NXPE2: variants seen among roughly 807,000 people sequenced by gnomAD.
The protein encoded by NXPE2 is NXPE family member 2.
Under a neutral mutation model 34.4 loss-of-function variants are expected in NXPE2, and 34 were observed. The observed-to-expected ratio is 0.99, with a 90% CI of 0.75 to 1.31. NXPE2 has a LOEUF of 1.31. Among genes scored for constraint, NXPE2 ranks in the 40% most tolerant of loss-of-function variants. NXPE2 has a pLI of 0.00. For synonymous variants in NXPE2, 235 were observed against 231.3 expected (o/e 1.02, Z -0.15); for missense variants, 649 against 672.5 (o/e 0.97, Z 0.39).
At chr11:114,607,469 T>C in the NXPE2 span, among the ~76,000 whole-genome samples, 3 of 151,860 alleles carry the variant, frequency 2.0e-5, no homozygotes, top group African/African-American at 4.8e-5. Context: ...TGATAAATAT[T>C]GCCTCATGGG....
the NXPE2 span, among the ~76,000 whole-genome samples, chr11:114,604,732 T>G: frequency 6.7e-6 from 1 of 148,218 alleles, no homozygotes; most frequent in Non-Finnish European, 1.5e-5. Flanking sequence ...CCACTGTTAC[T>G]CGGTGGATAA....
the NXPE2 span, among the ~76,000 whole-genome samples, chr11:114,731,504 G>A: frequency 6.6e-6 from 1 of 152,296 alleles, no homozygotes; most frequent in African/African-American, 2.4e-5. Context: ...GGGTTAAACA[G>A]TTCATGGTAC....
the NXPE2 span, among the ~76,000 whole-genome samples, chr11:114,537,090 A>G: frequency 6.6e-6 from 1 of 152,218 alleles, no homozygotes; most frequent in Admixed American, 6.5e-5. Context: ...CCGTGATCAA[A>G]TGGTCTTCAA....
At chr11:114,746,299 A>G in the NXPE2 span, among the ~76,000 whole-genome samples, 1 of 152,096 alleles carries the variant, frequency 6.6e-6, no homozygotes, top group Non-Finnish European at 1.5e-5. Flanking sequence ...TACTATCTTT[A>G]TTTCTGTCAG....
chr11:114,466,398 A>C, the NXPE2 span, among the ~76,000 whole-genome samples: 1 of 152,224 alleles, frequency 6.6e-6, no homozygotes, highest in African/African-American at 2.4e-5. Flanking sequence ...TGTATTGTTT[A>C]GTATTAATTT....
At chr11:114,628,468 C>T in the NXPE2 span, among the ~76,000 whole-genome samples, 18 of 152,004 alleles carry the variant, frequency 1.2e-4, no homozygotes, top group Non-Finnish European at 1.5e-4. Flanking sequence ...TTCTTTGAAA[C>T]CAATGAGAAC....
At chr11:114,480,373 T>G in the NXPE2 span, among the ~76,000 whole-genome samples, 1 of 152,238 alleles carries the variant, frequency 6.6e-6, no homozygotes, top group Non-Finnish European at 1.5e-5. Flanking sequence ...ACAGATTTCT[T>G]TCTAGGATAG....
the NXPE2 span, among the ~76,000 whole-genome samples, chr11:114,653,862 C>G: frequency 6.6e-6 from 1 of 152,030 alleles, no homozygotes. Context: ...CTCTAGAAAG[C>G]TCAAGATTCC....
chr11:114,544,377 G>C, the NXPE2 span, among the ~76,000 whole-genome samples: 3 of 152,132 alleles, frequency 2.0e-5, no homozygotes, highest in East Asian at 5.8e-4. Context: ...GTGAAAGAAT[G>C]AACAGATTAA....
At chr11:114,742,540 A>T in the NXPE2 span, among the ~76,000 whole-genome samples, 1 of 151,896 alleles carries the variant, frequency 6.6e-6, no homozygotes, top group African/African-American at 2.4e-5. Flanking sequence ...TCTTTTTGGC[A>T]CTGAACTATG....
chr11:114,571,252 G>T, the NXPE2 span: 2 of 1,613,914 alleles, frequency 1.2e-6, no homozygotes, highest in Non-Finnish European at 8.5e-7. Flanking sequence ...ATGGGAAAGG[G>T]TCTGAAATGC....
chr11:114,465,260 C>T, the NXPE2 span, among the ~76,000 whole-genome samples: 1 of 152,152 alleles, frequency 6.6e-6, no homozygotes, highest in Admixed American at 6.5e-5. Flanking sequence ...ATGAAAATAA[C>T]TCCAGTATTT....
the NXPE2 span, among the ~76,000 whole-genome samples, chr11:114,660,684 C>T: frequency 1.3e-5 from 2 of 151,846 alleles, no homozygotes; most frequent in Non-Finnish European, 2.9e-5. Flanking sequence ...AATGCTTTGC[C>T]CCAAGATAAG....
chr11:114,639,126 C>T, the NXPE2 span, among the ~76,000 whole-genome samples: 9 of 152,174 alleles, frequency 5.9e-5, 1 homozygote, highest in Non-Finnish European at 1.0e-4. Flanking sequence ...CCACCCAGTT[C>T]GAGCTTCCCG....
the NXPE2 span, among the ~76,000 whole-genome samples, chr11:114,756,668 G>T: frequency 3.3e-5 from 5 of 151,858 alleles, no homozygotes; most frequent in Admixed American, 6.6e-5. Context: ...TTTTATACAG[G>T]GAGATAACAC....
chr11:114,590,085 C>A, the NXPE2 span, among the ~76,000 whole-genome samples: 9 of 152,302 alleles, frequency 5.9e-5, no homozygotes, highest in South Asian at 1.5e-3. Flanking sequence ...ATGGTGCTGC[C>A]TCAGGGATTT....
chr11:114,554,461 G>T, the NXPE2 span: 1 of 801,440 alleles, frequency 1.2e-6, no homozygotes, highest in Non-Finnish European at 1.5e-6. Context: ...TCAGTCCTAT[G>T]ACCTCTTTTC....
the NXPE2 span, among the ~76,000 whole-genome samples, chr11:114,630,680 A>G: frequency 6.6e-6 from 1 of 150,554 alleles, no homozygotes; most frequent in African/African-American, 2.4e-5. Flanking sequence ...AATGGGATCT[A>G]ATTAAACTAA....
chr11:114,510,979 A>G, the NXPE2 span, among the ~76,000 whole-genome samples: 2 of 152,194 alleles, frequency 1.3e-5, no homozygotes, highest in South Asian at 4.1e-4. Context: ...AATTATAATG[A>G]GAAAATGTAG....
Sources: allele counts gnomAD v4.1 joint callset (sites outside exome capture counted in the v4.1 genomes callset), GRCh38; gene constraint gnomAD v4.1.1; transcripts MANE v1.5; gene names NCBI Gene and HGNC (gene_info 2026-07-23, HGNC 2026-07-21).